The following SHCBP1L variants were observed in gnomAD, a reference collection of about 807,000 sequenced individuals.
The protein encoded by SHCBP1L is testicular spindle-associated protein SHCBP1L.
SHCBP1L carries 67 observed loss-of-function variants against 62.5 expected under a neutral mutation model. The observed-to-expected ratio is 1.07, with a 90% CI of 0.88 to 1.31. The LOEUF (loss-of-function observed/expected upper bound fraction) is 1.31. Among genes scored for constraint, SHCBP1L ranks in the 40% most tolerant of loss-of-function variants. SHCBP1L has a pLI of 0.00. For synonymous variants in SHCBP1L, 284 were observed against 289.4 expected (o/e 0.98, Z 0.19); for missense variants, 823 against 809.8 (o/e 1.02, Z -0.20).
chr1:182,912,527 A>AT (rs34803527), intron 6 of SHCBP1L, among the ~76,000 whole-genome samples: 3,785 of 144,186 alleles, frequency 0.026, 130 homozygotes, highest in African/African-American at 0.086. Context: ...TGTAATATCA[A>AT]TTTTTTTTTT....
intron 2 of SHCBP1L, among the ~76,000 whole-genome samples, chr1:182,941,920 G>A (rs1445743185): frequency 6.6e-6 from 1 of 152,012 alleles, no homozygotes; most frequent in Non-Finnish European, 1.5e-5. Context: ...ACCAGCAAAT[G>A]ATTTCACCTC....
chr1:182,925,272 C>T (rs542265470), intron 6 of SHCBP1L, among the ~76,000 whole-genome samples: 2 of 152,104 alleles, frequency 1.3e-5, no homozygotes, highest in African/African-American at 4.8e-5. Context: ...TAAAAATTTG[C>T]AGAGCATATA....
chr1:182,928,077 T>C (rs1650841143), intron 6 of SHCBP1L, among the ~76,000 whole-genome samples: 1 of 152,144 alleles, frequency 6.6e-6, no homozygotes, highest in Non-Finnish European at 1.5e-5. Flanking sequence ...TTGAATAATA[T>C]GCTCCAATAA....
chr1:182,930,551 G>GTGTGTATA (rs1399656724), intron 5 of SHCBP1L, among the ~76,000 whole-genome samples: 3 of 49,464 alleles, frequency 6.1e-5, no homozygotes, highest in South Asian at 7.8e-4. Context: ...TAGTGTGTGT[G>GTGTGTATA]TATATATATA....
At chr1:182,913,480 A>C (rs565820339) in intron 6 of SHCBP1L, among the ~76,000 whole-genome samples, 1 of 152,314 alleles carries the variant, frequency 6.6e-6, no homozygotes, top group South Asian at 2.1e-4. Flanking sequence ...CTGTATTGAT[A>C]ATTCTTGTTT....
chr1:182,923,502 A>G (rs547168649), intron 6 of SHCBP1L, among the ~76,000 whole-genome samples: 1 of 152,350 alleles, frequency 6.6e-6, no homozygotes, highest in African/African-American at 2.4e-5. Flanking sequence ...TAGCACATCA[A>G]TGACCTAAGT....
intron 2 of SHCBP1L, among the ~76,000 whole-genome samples, chr1:182,942,793 TAG>T (rs777912396): frequency 1.3e-5 from 2 of 152,194 alleles, no homozygotes; most frequent in Non-Finnish European, 2.9e-5. Flanking sequence ...TATTTTTCGG[TAG>T]AGTTATGTCA....
intron 2 of SHCBP1L, 80 bp from the exon 3 acceptor site, chr1:182,940,623 T>G: frequency 6.0e-6 from 7 of 1,169,316 alleles, no homozygotes; most frequent in Non-Finnish European, 8.3e-6. Context: ...ATATATGAGC[T>G]CATTATAAAG....
intron 6 of SHCBP1L, among the ~76,000 whole-genome samples, chr1:182,924,951 A>AAAGAAAGG (rs1650681092): frequency 7.3e-6 from 1 of 136,850 alleles, no homozygotes; most frequent in South Asian, 2.5e-4. Context: ...AGAAAGAAAG[A>AAAGAAAGG]AAGAAAGAAA....
At chr1:182,925,278 A>G (rs1367441704) in intron 6 of SHCBP1L, among the ~76,000 whole-genome samples, 1 of 152,218 alleles carries the variant, frequency 6.6e-6, no homozygotes, top group East Asian at 1.9e-4. Flanking sequence ...TTTGCAGAGC[A>G]TATATCTAAT....
intron 5 of SHCBP1L, among the ~76,000 whole-genome samples, chr1:182,936,361 C>T (rs987461578): frequency 1.3e-5 from 2 of 151,950 alleles, no homozygotes; most frequent in Admixed American, 6.6e-5. Flanking sequence ...GTCTGGACTC[C>T]TGACCTCAGG....
At chr1:182,911,276 G>A (rs1185536582) in intron 6 of SHCBP1L, among the ~76,000 whole-genome samples, 3 of 152,170 alleles carry the variant, frequency 2.0e-5, no homozygotes, top group Non-Finnish European at 4.4e-5. Flanking sequence ...AAGACTTCAA[G>A]TGCCACAAAG....
intron 6 of SHCBP1L, among the ~76,000 whole-genome samples, chr1:182,915,806 CTT>C (rs535677579): frequency 4.2e-4 from 56 of 133,186 alleles, no homozygotes; most frequent in African/African-American, 8.1e-4. Context: ...ACAACGTATT[CTT>C]TTTTTTTTTT....
intron 6 of SHCBP1L, among the ~76,000 whole-genome samples, chr1:182,907,017 T>C (rs1650035754): frequency 6.6e-6 from 1 of 151,696 alleles, no homozygotes; most frequent in African/African-American, 2.4e-5. Context: ...GGGGTTTCTC[T>C]ATATTGCCCA....
chr1:182,915,463 A>G (rs1650328643), intron 6 of SHCBP1L, among the ~76,000 whole-genome samples: 1 of 152,190 alleles, frequency 6.6e-6, no homozygotes, highest in Non-Finnish European at 1.5e-5. Flanking sequence ...ACAGAATTGA[A>G]GTAAGAAATA....
rs1649893038 is a variant in SHCBP1L, at chr1:182,903,078, A to T, written c.1671T>A (p.Ser557Arg). ...CACCTAAGGTGCTTTTTGAACTGTT[A>T]CTGGTTCTGAGGTTATTACAGTGAT... Reference protein sequence around the residue: ...EIHHCNNLRTSNSSKSTLGGV... With the variant: ...EIHHCNNLRTRNSSKSTLGGV... Residue 557 changes from serine to arginine, a missense_variant, in exon 9 of 10, where the codon AGT becomes AGA. Ser to Arg is a moderately radical substitution (Grantham distance 110). Coordinates refer to ENST00000367547, the MANE Select transcript of SHCBP1L (RefSeq NM_030933.4). 1.2e-6 allele frequency: 2 copies of T among 1,601,072 alleles called. No homozygotes were observed. Among genetic ancestry groups the T allele is most frequent in the East Asian group, 4.5e-5 (2 of 44,286 alleles).
At chr1:182,903,188 T>A in intron 8 of SHCBP1L, 27 bp from the exon 9 acceptor site, 1 of 1,496,304 alleles carries the variant, frequency 6.7e-7, no homozygotes, top group Non-Finnish European at 8.9e-7. Flanking sequence ...AATAAAACTA[T>A]CTACAAAATA....
In SHCBP1L at chr1:182,903,191, A is replaced by G. The variant is rs1206909018; in HGVS notation, c.1588-30T>C. 4 of 1,493,172 alleles carry G rather than the reference A, an allele frequency of 2.7e-6. No individual in the cohort carries two copies. In the East Asian group the frequency reaches 7.2e-5, roughly 27 times the overall value. The allele number at this position is 1,493,172 out of a possible 1,614,324, so 92.5% of individuals were successfully genotyped here. On this transcript the variant is annotated intron_variant, in intron 8 of 9. Transcript: ENST00000367547. ...AAATTAAAAGCAAATAAAACTATCT[A>G]CAAAATATATACACAAACCTCTCTC...
rs199811188 is a variant in SHCBP1L at position 182,952,862 on chromosome 1, T to C, written c.272A>G (p.Glu91Gly). 1,330 of 1,604,144 alleles carry C rather than the reference T, an allele frequency of 8.3e-4. 8 individuals carry two copies. Among genetic ancestry groups the C allele is most frequent in the South Asian group, 4.0e-3 (359 of 90,108 alleles). Residue 91 changes from glutamate to glycine, a missense_variant, in exon 1 of 10, where the codon GAG (glutamate) becomes GGG (glycine). Coordinates refer to ENST00000367547, the MANE Select transcript of SHCBP1L (RefSeq NM_030933.4). Reference sequence around the variant, plus strand: ...ATCCTCAGGCACTGGCAGCAGGGGCTCCTCCGCCGCCGCCGCCGCCGCCTC... The same window carrying C: ...ATCCTCAGGCACTGGCAGCAGGGGCCCCTCCGCCGCCGCCGCCGCCGCCTC... The part of the protein sequence containing the change: ...TGEAAAAAAE[E>G]PLLPVPEDEE...
Sources: gnomAD v4.1 joint callset for allele counts (sites outside exome capture counted in the v4.1 genomes callset) on GRCh38, gnomAD v4.1.1 for gene constraint, MANE v1.5 for transcripts, NCBI Gene and HGNC (gene_info 2026-07-23, HGNC 2026-07-21) for gene names.